SDK2: variants seen among roughly 807,000 people sequenced by gnomAD.
SDK2 encodes the protein protein sidekick-2.
SDK2 carries 105 observed loss-of-function variants against 253.9 expected under a neutral mutation model. The observed-to-expected ratio is 0.41, with a 90% CI of 0.35 to 0.49. SDK2 has a LOEUF of 0.49. Ranked by LOEUF, SDK2 falls within the 20% of genes least tolerant of loss-of-function variation. The probability of loss-of-function intolerance (pLI) is 0.06; values close to 1 mark genes in which losing one functional copy is unlikely to be tolerated. For missense variants in SDK2, 2,608 were observed against 3,003.0 expected (o/e 0.87, Z 3.07); for synonymous variants, 1,249 against 1,234.9 (o/e 1.01, Z -0.24).
Position 73,467,013 on chromosome 17 carries a change from C to T in SDK2, c.331+5099G>A, listed in dbSNP as rs1001530052. 2.6e-5 allele frequency among the ~76,000 whole-genome samples: 4 copies of T among 152,224 alleles called. No individual in the cohort carries two copies. Among genetic ancestry groups the T allele is most frequent in the East Asian group, 1.9e-4 (1 of 5,162 alleles). On this transcript the variant is annotated intron_variant, in intron 3 of 44. Coordinates refer to ENST00000392650, the MANE Select transcript of SDK2 (RefSeq NM_001144952.2). This position sits in a 1 kb window ranked among gnomAD's most constrained non-coding sequence, Gnocchi z 4.1. ...AGGCACAAGGGCCATGCCTGGCACA[C>T]GGAAGAACCCTGGAGCTCTGTGTAG...
intron 2 of SDK2, among the ~76,000 whole-genome samples, chr17:73,487,906 C>T (rs1361389634): frequency 2.0e-5 from 3 of 152,180 alleles, no homozygotes; most frequent in African/African-American, 7.2e-5. Context: ...TTCAGACAAC[C>T]CTTTACTCTG....
intron 1 of SDK2, among the ~76,000 whole-genome samples, chr17:73,631,810 C>T (rs1387946095): frequency 6.6e-6 from 1 of 152,228 alleles, no homozygotes; most frequent in Non-Finnish European, 1.5e-5. Flanking sequence ...GGAAGGTACC[C>T]ACACATCTAA....
rs80005241 is a variant in SDK2 at position 73,488,920 on chromosome 17, G to A, written c.225-16702C>T. On this transcript the variant is annotated intron_variant, in intron 2 of 44. Transcript: ENST00000392650. ...CATGGTGATTTCTACCAACGTATCC[G>A]TCACACAGCAGCAGAACTGACTGCA... Among the ~76,000 whole-genome samples, 1,420 of 151,968 alleles carry A rather than the reference G, an allele frequency of 9.3e-3. 8 individuals are homozygous for A. The highest frequency in any genetic ancestry group is 0.014 in the Middle Eastern group (4 of 294).
intron 29 of SDK2, among the ~76,000 whole-genome samples, chr17:73,388,838 C>CT (rs1185480961): frequency 7.6e-5 from 7 of 91,966 alleles, no homozygotes; most frequent in East Asian, 3.7e-4. Context: ...CCTTCCTTCC[C>CT]CCCTCCTTTC....
intron 1 of SDK2, among the ~76,000 whole-genome samples, chr17:73,545,413 GCA>G (rs1264742821): frequency 1.3e-5 from 2 of 151,790 alleles, no homozygotes; most frequent in Admixed American, 6.5e-5. Flanking sequence ...ATAAATGAAT[GCA>G]CACACACACG....
chr17:73,585,811 C>T (rs1397184605), intron 1 of SDK2, among the ~76,000 whole-genome samples: 2 of 152,220 alleles, frequency 1.3e-5, no homozygotes, highest in Admixed American at 6.5e-5. Flanking sequence ...TGAGCTTTTC[C>T]ACTTCCTGTG....
chr17:73,468,690 A>T lies in SDK2; in HGVS notation c.331+3422T>A, dbSNP rs533073414. 3.4e-4 allele frequency among the ~76,000 whole-genome samples: 51 copies of T among 148,864 alleles called. No individual in the cohort carries two copies. The South Asian group carries it at 6.4e-3, about 19-fold the overall frequency. ...CCACGCCTGGCTAATTTTTTTTTTAATTTTTTTTTTATTTTTAGTAGAGAT... is the reference window on the plus strand; with the variant it reads ...CCACGCCTGGCTAATTTTTTTTTTATTTTTTTTTTTATTTTTAGTAGAGAT... On this transcript the variant is annotated intron_variant, in intron 3 of 44. Transcript: ENST00000392650.
chr17:73,607,369 G>A (rs1449130515), intron 1 of SDK2, among the ~76,000 whole-genome samples: 3 of 150,660 alleles, frequency 2.0e-5, no homozygotes, highest in South Asian at 2.1e-4. Context: ...AGGCCCACAC[G>A]CACTCATTTC....
At position 73,443,609 on chromosome 17, in the gene SDK2, G is replaced by A. The variant is rs1387484648; in HGVS notation, c.614-2686C>T. On this transcript the variant is annotated intron_variant, in intron 5 of 44. Transcript: ENST00000392650. This position sits in a 1 kb window ranked among gnomAD's most constrained non-coding sequence, Gnocchi z 4.6. ...CAGGGCTGGCTCGTTGGCTCTGGAA[G>A]GAATGGAGGAGAGATGGCCATGTGC... 6.6e-6 allele frequency among the ~76,000 whole-genome samples: 1 copy of A among 152,238 alleles called. No individual in the cohort carries two copies. Among genetic ancestry groups the A allele is most frequent in the Non-Finnish European group, 1.5e-5 (1 of 68,038 alleles).
chr17:73,555,765 G>C (rs12150622), intron 1 of SDK2, among the ~76,000 whole-genome samples: 77,456 of 152,050 alleles, frequency 0.51, 20,861 homozygotes, highest in African/African-American at 0.7. Flanking sequence ...CAAAGCTGCC[G>C]GAGCCACTTA....
chr17:73,471,793 G>A lies in SDK2; in HGVS notation c.331+319C>T, dbSNP rs181960486. 2.1e-3 allele frequency among the ~76,000 whole-genome samples: 318 copies of A among 152,228 alleles called. 1 individual carries two copies. The highest frequency in any genetic ancestry group is 2.3e-3 in the Admixed American group (35 of 15,296). The stretch of plus-strand genomic sequence containing the variant: ...ACAAATCAGCTGGTCCCATTTAAAG[G>A]ACACAGACAAGGCCACCCTTGTCTA... On this transcript the variant is annotated intron_variant, in intron 3 of 44. Coordinates refer to ENST00000392650, the MANE Select transcript of SDK2 (RefSeq NM_001144952.2).
At chr17:73,606,044 C>T (rs1305981889) in intron 1 of SDK2, among the ~76,000 whole-genome samples, 5 of 152,050 alleles carry the variant, frequency 3.3e-5, no homozygotes, top group East Asian at 1.9e-4. Context: ...GCCTTGTTGA[C>T]GTGCTGATGG....
intron 4 of SDK2, among the ~76,000 whole-genome samples, chr17:73,454,499 G>T (rs557910156): frequency 5.1e-4 from 77 of 152,322 alleles, no homozygotes; most frequent in African/African-American, 1.8e-3. Context: ...ACCTCACCGG[G>T]TTGTTGTGAG....
chr17:73,501,698 G>A (rs554561554), intron 2 of SDK2, among the ~76,000 whole-genome samples: 2 of 152,266 alleles, frequency 1.3e-5, no homozygotes, highest in South Asian at 2.1e-4. Context: ...ACCTACACAC[G>A]TGATTTTCTA....
rs778535816 is a variant in SDK2 at position 73,379,564 on chromosome 17, G to C, written c.4763-15C>G. ...CTTGTTCAGGTCTGTGGGGGAGAGT[G>C]GGGGAGGGGAAGCACACTGAGGTCA... On this transcript the variant is annotated splice_polypyrimidine_tract_variant and intron_variant, in intron 34 of 44. Coordinates refer to ENST00000392650, the MANE Select transcript of SDK2 (RefSeq NM_001144952.2). This position sits in a 1 kb window ranked among gnomAD's most constrained non-coding sequence, Gnocchi z 4.5. 1.9e-6 allele frequency: 3 copies of C among 1,538,950 alleles called. No individual in the cohort carries two copies. The highest frequency in any genetic ancestry group is 1.7e-5 in the Admixed American group (1 of 58,260).
chr17:73,615,356 G>A (rs1259092278), intron 1 of SDK2, among the ~76,000 whole-genome samples: 1 of 152,236 alleles, frequency 6.6e-6, no homozygotes, highest in Non-Finnish European at 1.5e-5. Context: ...TCCCAACGAA[G>A]TATGAGTCTC....
In SDK2 at chr17:73,601,002, A is replaced by C. The variant is rs187646468; in HGVS notation, c.64+43023T>G. ...TGGTGCCTTTATGAATGATCTTTTC[A>C]TTTTATTATTTAAAAAAAAATTTTT... On this transcript the variant is annotated intron_variant, in intron 1 of 44. Transcript: ENST00000392650. 4.6e-5 allele frequency among the ~76,000 whole-genome samples: 7 copies of C among 151,562 alleles called. 1 individual carries two copies. The highest frequency in any genetic ancestry group is 3.9e-4 in the Admixed American group (6 of 15,218).
At chr17:73,528,585 C>T (rs1284602130) in intron 1 of SDK2, among the ~76,000 whole-genome samples, 1 of 152,204 alleles carries the variant, frequency 6.6e-6, no homozygotes, top group East Asian at 1.9e-4. Context: ...CCTACTGCCT[C>T]ACTAAGCCCC....
At chr17:73,458,085 C>T (rs1016790155) in intron 3 of SDK2, among the ~76,000 whole-genome samples, 5 of 151,942 alleles carry the variant, frequency 3.3e-5, no homozygotes, top group African/African-American at 7.3e-5. Flanking sequence ...CTCAAGCAAT[C>T]CTTCCGCCTC....
Sources: allele counts gnomAD v4.1 joint callset (sites outside exome capture counted in the v4.1 genomes callset), GRCh38; gene constraint gnomAD v4.1.1; non-coding constraint Gnocchi (gnomAD v3.1); transcripts MANE v1.5; gene names NCBI Gene and HGNC (gene_info 2026-07-23, HGNC 2026-07-21).